The following SLC41A3 variants were observed in gnomAD, a reference collection of about 807,000 sequenced individuals.
The protein encoded by SLC41A3 is SLC41A1-like 2.
SLC41A3 carries 44 observed loss-of-function variants against 45.4 expected under a neutral mutation model. The observed-to-expected ratio is 0.97, with a 90% CI of 0.76 to 1.25. SLC41A3 has a LOEUF of 1.25. Among genes scored for constraint, SLC41A3 ranks in the 50% most tolerant of loss-of-function variants. The pLI is 0.00. For missense variants in SLC41A3, 550 were observed against 600.6 expected (o/e 0.92, Z 0.88); for synonymous variants, 256 against 252.4 (o/e 1.01, Z -0.13).
At chr3:126,094,738 T>C (rs779049507) in intron 1 of SLC41A3, among the ~76,000 whole-genome samples, 1 of 152,264 alleles carries the variant, frequency 6.6e-6, no homozygotes, top group Admixed American at 6.5e-5. Context: ...ATGGGTCTAA[T>C]AATGGTAAAG....
chr3:126,078,350 G>C lies in SLC41A3; in HGVS notation c.-28+5743C>G, dbSNP rs532225411. 8.5e-5 allele frequency among the ~76,000 whole-genome samples: 13 copies of C among 152,286 alleles called. No homozygotes were observed. The South Asian group carries it at 2.7e-3, about 32-fold the overall frequency. ...AAACTGAGCCAGGCTCACACTGGAAGCCTGGAGATCATGGAGAGACAGCTA... is the reference window on the plus strand; with the variant it reads ...AAACTGAGCCAGGCTCACACTGGAACCCTGGAGATCATGGAGAGACAGCTA... On this transcript the variant is annotated intron_variant, in intron 1 of 10. Coordinates refer to ENST00000360370, the MANE Select transcript of SLC41A3 (RefSeq NM_017836.4).
Position 126,041,930 on chromosome 3 carries a change from T to A in SLC41A3, c.382-8252A>T, listed in dbSNP as rs115454613. Among the ~76,000 whole-genome samples, 137 of 152,202 alleles carry A rather than the reference T, an allele frequency of 9.0e-4. 1 individual carries two copies. The highest frequency in any genetic ancestry group is 3.2e-3 in the African/African-American group (134 of 41,516). ...AGCCACCCTCAAACCAGTAGGGAAT[T>A]CCATGGTGTTTCTGCTTGCCCTTGC... On this transcript the variant is annotated intron_variant, in intron 3 of 10. Transcript: ENST00000360370.
rs377301438 is a variant in SLC41A3, at chr3:126,053,075, C to T, written c.274-2025G>A. 6.6e-5 allele frequency among the ~76,000 whole-genome samples: 10 copies of T among 152,202 alleles called. No individual in the cohort carries two copies. In the East Asian group the frequency reaches 7.7e-4, roughly 12 times the overall value. ...CTGGTCACATCGGGTATCACACAACCGTGACGGGACTAAAGTCTATGGACA... is the reference window on the plus strand; with the variant it reads ...CTGGTCACATCGGGTATCACACAACTGTGACGGGACTAAAGTCTATGGACA... On this transcript the variant is annotated intron_variant, in intron 2 of 10. Transcript: ENST00000360370.
intron 3 of SLC41A3, among the ~76,000 whole-genome samples, chr3:126,046,760 A>ATC (rs770075687): frequency 6.6e-6 from 1 of 151,092 alleles, no homozygotes; most frequent in African/African-American, 2.4e-5. Context: ...TCAGGAGTTC[A>ATC]AGACCAGCCT....
intron 2 of SLC41A3, among the ~76,000 whole-genome samples, chr3:126,057,403 G>T (rs908624884): frequency 6.6e-6 from 1 of 152,210 alleles, no homozygotes. Context: ...CTGACTCCTG[G>T]GGTTCTGTTG....
chr3:126,060,271 T>C (rs2107971496), intron 2 of SLC41A3, among the ~76,000 whole-genome samples: 1 of 152,018 alleles, frequency 6.6e-6, no homozygotes, highest in African/African-American at 2.4e-5. Context: ...ATACAAAAAT[T>C]AGCTGGGCGT....
upstream of SLC41A3, among the ~76,000 whole-genome samples, chr3:126,089,016 C>G (rs1945442806): frequency 6.6e-6 from 1 of 152,160 alleles, no homozygotes; most frequent in Admixed American, 6.5e-5. Context: ...GACTGCCCAG[C>G]TCTCTGTATA....
upstream of SLC41A3, among the ~76,000 whole-genome samples, chr3:126,086,284 A>G (rs1270368213): frequency 1.3e-5 from 2 of 152,194 alleles, no homozygotes; most frequent in South Asian, 2.1e-4. Flanking sequence ...CCTGTACACT[A>G]TAGAGTTCCT....
chr3:126,079,044 A>G (rs1209261592), intron 1 of SLC41A3: 1 of 152,190 alleles, frequency 6.6e-6, no homozygotes, highest in East Asian at 1.9e-4. Flanking sequence ...TGCTACAGGC[A>G]CCCAGACGCC....
At chr3:126,074,146 A>T (rs1261907870) in intron 1 of SLC41A3, among the ~76,000 whole-genome samples, 1 of 152,030 alleles carries the variant, frequency 6.6e-6, no homozygotes, top group East Asian at 1.9e-4. Flanking sequence ...CGATAAAAAC[A>T]CTTTAAAAAG....
chr3:126,048,248 T>C (rs1487917993), intron 3 of SLC41A3, among the ~76,000 whole-genome samples: 1 of 152,212 alleles, frequency 6.6e-6, no homozygotes, highest in South Asian at 2.1e-4. Flanking sequence ...AAATTTTTAT[T>C]TCTCTTTATA....
rs569417871 is a variant in SLC41A3 at position 126,008,753 on chromosome 3, G to A, written c.1233C>T (p.Tyr411=). 1 of 1,614,004 alleles carries A rather than the reference G, an allele frequency of 6.2e-7. No individual in the cohort carries two copies. The highest frequency in any genetic ancestry group is 1.1e-5 in the South Asian group (1 of 91,074). The change falls in exon 10 of 11, where the codon TAC becomes TAT. Residue 411 remains tyrosine (Y), a synonymous_variant. Coordinates refer to ENST00000360370, the MANE Select transcript of SLC41A3 (RefSeq NM_017836.4). ...TTACCTGGATCAGGCCTGCCAGCAG[G>A]TAGAGCACCACAAAGGTCTGGCTGT... ...VINSQTFVVL[Y]LLAGLIQVTI...
intron 4 of SLC41A3, among the ~76,000 whole-genome samples, chr3:126,032,254 T>C (rs1207770343): frequency 6.6e-6 from 1 of 152,170 alleles, no homozygotes; most frequent in Non-Finnish European, 1.5e-5. Flanking sequence ...GCCACCCAGG[T>C]GGCCAGGAGG....
chr3:126,006,376 TTTTA>T lies in SLC41A3; in HGVS notation c.*636_*639del. The T allele has an allele frequency of 6.9e-6, 11 of 1,595,368 alleles. No individual in the cohort carries two copies. Among genetic ancestry groups the T allele is most frequent in the African/African-American group, 5.4e-5 (4 of 73,866 alleles). On this transcript the variant is annotated 3_prime_UTR_variant, in exon 11 of 11. Transcript: ENST00000360370. ...AAAGGGTCAAGTACAATATAATCTG[TTTTA>T]TTTTACACTTCTCTGATTATTGAAA... is the stretch of plus-strand genomic sequence containing the variant.
At chr3:126,032,355 T>C (rs922192055) in intron 4 of SLC41A3, among the ~76,000 whole-genome samples, 3 of 152,186 alleles carry the variant, frequency 2.0e-5, no homozygotes, top group African/African-American at 7.2e-5. Context: ...GCGGAATTCA[T>C]GCACAACTCG....
upstream of SLC41A3, among the ~76,000 whole-genome samples, chr3:126,084,879 A>G: frequency 6.6e-6 from 1 of 152,246 alleles, no homozygotes; most frequent in East Asian, 1.9e-4. Context: ...GGTTCAGGCC[A>G]TAAGGGGAAG....
At chr3:126,044,895 C>CACA (rs1942853628) in intron 3 of SLC41A3, among the ~76,000 whole-genome samples, 2 of 82,720 alleles carry the variant, frequency 2.4e-5, no homozygotes, top group Non-Finnish European at 4.4e-5. Flanking sequence ...GACTCCATCT[C>CACA]AAAAAAAAAA....
chr3:126,059,283 A>AAAGAAAGAGAGAGAAAG (rs1943900518), intron 2 of SLC41A3, among the ~76,000 whole-genome samples: 1 of 131,674 alleles, frequency 7.6e-6, no homozygotes, highest in Non-Finnish European at 1.7e-5. Flanking sequence ...AGAAAGAAAG[A>AAAGAAAGAGAGAGAAAG]AAGAAAGAAA....
chr3:126,100,101 G>A (rs1002595674), intron 1 of SLC41A3, among the ~76,000 whole-genome samples: 1 of 152,166 alleles, frequency 6.6e-6, no homozygotes, highest in African/African-American at 2.4e-5. Flanking sequence ...AAGAGGAACT[G>A]TTGATTTTGG....
Sources: allele counts gnomAD v4.1 joint callset (sites outside exome capture counted in the v4.1 genomes callset), GRCh38; gene constraint gnomAD v4.1.1; transcripts MANE v1.5; gene names NCBI Gene and HGNC (gene_info 2026-07-23, HGNC 2026-07-21).